Variants in NRG1 observed in about 807,000 individuals in gnomAD.
The protein encoded by NRG1 is neuregulin 1.
A neutral mutation model predicts 63.8 loss-of-function variants in NRG1; 18 were observed. The observed-to-expected ratio is 0.28, with a 90% CI of 0.19 to 0.42. The LOEUF (loss-of-function observed/expected upper bound fraction) is 0.42. Ranked by LOEUF, NRG1 falls within the 10% of genes least tolerant of loss-of-function variation. NRG1 has a pLI of 1.00. For synonymous variants in NRG1, 302 were observed against 301.3 expected, an observed-to-expected ratio of 1.00 and a Z score of -0.02; for missense variants, 762 against 814.7, an observed-to-expected ratio of 0.94 and a Z score of 0.79.
At chr8:32,483,947 A>G (rs1356085117) in intron 1 of NRG1, among the ~76,000 whole-genome samples, 1 of 152,106 alleles carries the variant, frequency 6.6e-6, no homozygotes, top group Non-Finnish European at 1.5e-5. Flanking sequence ...TACTAAAAAT[A>G]CAAAAATTAG....
intron 1 of NRG1, among the ~76,000 whole-genome samples, chr8:32,389,002 C>A (rs926330662): frequency 6.6e-6 from 1 of 152,176 alleles, no homozygotes; most frequent in African/African-American, 2.4e-5. Flanking sequence ...CACATTTTGA[C>A]CTTCTTGAAC....
intron 5 of NRG1, among the ~76,000 whole-genome samples, chr8:32,620,028 C>T (rs965184505): frequency 6.6e-6 from 1 of 152,044 alleles, no homozygotes; most frequent in Admixed American, 6.6e-5. Context: ...TTGCAGGGAA[C>T]GACTGTGAGG....
At chr8:31,935,288 T>A (rs1336032654) in intron 1 of NRG1, among the ~76,000 whole-genome samples, 1 of 151,998 alleles carries the variant, frequency 6.6e-6, no homozygotes, top group Non-Finnish European at 1.5e-5. Context: ...AGCTAATTTT[T>A]AAAAAATTAT....
intron 1 of NRG1, among the ~76,000 whole-genome samples, chr8:32,469,652 C>A (rs1345340107): frequency 6.6e-6 from 1 of 152,070 alleles, no homozygotes; most frequent in African/African-American, 2.4e-5. Flanking sequence ...CAGTAAATAT[C>A]AGTAAAAGGA....
chr8:32,221,246 A>C (rs1327054581), intron 1 of NRG1: 4 of 152,202 alleles, frequency 2.6e-5, no homozygotes, highest in African/African-American at 4.8e-5. Flanking sequence ...ACGGAGATCT[A>C]CAGCAATGCA....
intron 1 of NRG1, among the ~76,000 whole-genome samples, chr8:31,759,037 G>T (rs978285185): frequency 6.6e-6 from 1 of 152,150 alleles, no homozygotes; most frequent in South Asian, 2.1e-4. Context: ...CTGCTTATTG[G>T]CTACTTACAC....
At chr8:32,622,666 A>T (rs1192959656) in intron 5 of NRG1, among the ~76,000 whole-genome samples, 1 of 152,192 alleles carries the variant, frequency 6.6e-6, no homozygotes, top group Non-Finnish European at 1.5e-5. Flanking sequence ...AAGCGTTGGA[A>T]TTGCAGGCAT....
intron 1 of NRG1, among the ~76,000 whole-genome samples, chr8:32,173,143 C>G (rs1456400780): frequency 6.6e-6 from 1 of 152,172 alleles, no homozygotes; most frequent in Non-Finnish European, 1.5e-5. Context: ...CTGATCCTCT[C>G]AGCAGAAACT....
At chr8:32,222,927 G>A (rs1039910623) in intron 1 of NRG1, among the ~76,000 whole-genome samples, 1 of 152,152 alleles carries the variant, frequency 6.6e-6, no homozygotes, top group African/African-American at 2.4e-5. Context: ...AATAAGCAAT[G>A]TTGCCAATCC....
At chr8:32,254,947 C>T (rs1490713374) in intron 1 of NRG1, among the ~76,000 whole-genome samples, 11 of 152,158 alleles carry the variant, frequency 7.2e-5, no homozygotes, top group Non-Finnish European at 1.6e-4. Context: ...TTTACCATTA[C>T]ATAATGCCCT....
chr8:32,667,131 TG>T (rs1281993050), intron 5 of NRG1, among the ~76,000 whole-genome samples: 2 of 152,230 alleles, frequency 1.3e-5, no homozygotes, highest in African/African-American at 4.8e-5. Flanking sequence ...TAGAATCTTT[TG>T]CTCCTAGGCT....
At chr8:32,240,725 A>G (rs908731456) in intron 1 of NRG1, among the ~76,000 whole-genome samples, 2 of 152,172 alleles carry the variant, frequency 1.3e-5, no homozygotes, top group Admixed American at 1.3e-4. Flanking sequence ...ATTGTAAAAA[A>G]AAATGCTTTG....
intron 1 of NRG1, among the ~76,000 whole-genome samples, chr8:32,240,363 G>A (rs62497573): frequency 0.044 from 6,668 of 152,156 alleles, 313 homozygotes; most frequent in African/African-American, 0.12. Context: ...CAAAAATATA[G>A]AAATGGAGAA....
At chr8:32,474,694 T>G in intron 1 of NRG1, among the ~76,000 whole-genome samples, 1 of 151,486 alleles carries the variant, frequency 6.6e-6, no homozygotes, top group South Asian at 2.1e-4. Flanking sequence ...TTAGTAGAGG[T>G]GGGGTTTCAC....
intron 1 of NRG1, among the ~76,000 whole-genome samples, chr8:31,643,266 T>A (rs2130840745): frequency 6.6e-6 from 1 of 152,328 alleles, no homozygotes; most frequent in African/African-American, 2.4e-5. Context: ...GTGTGCAGGC[T>A]TGAGCCATAA....
At position 31,640,759 on chromosome 8, in the gene NRG1, C is replaced by T. The variant is rs1205199212; in HGVS notation, c.37+1328C>T. On this transcript the variant is annotated intron_variant, in intron 1 of 10. Coordinates refer to the NRG1 transcript ENST00000519301. This position sits in a 1 kb window ranked among gnomAD's most constrained non-coding sequence, Gnocchi z 6.3. ...GTTCCTCGCCCTTGGGGGCGCGAAC[C>T]CGCGGCGAGGAGGGCGCATCCCGGG... is the stretch of plus-strand genomic sequence containing the variant. 6.8e-7 allele frequency: 1 copy of T among 1,476,786 alleles called. No individual in the cohort carries two copies. The allele number at this position is 1,476,786 out of a possible 1,614,324, so 91.5% of individuals were successfully genotyped here. A position where few individuals can be genotyped will look rare whatever the true frequency, so the allele number is the denominator to read the frequency against.
intron 1 of NRG1, among the ~76,000 whole-genome samples, chr8:32,314,514 A>C (rs1355526528): frequency 6.6e-6 from 1 of 152,176 alleles, no homozygotes; most frequent in Non-Finnish European, 1.5e-5. Context: ...TGACCTCTAC[A>C]AAGCTGTTCT....
chr8:31,879,459 C>T (rs1348595546), intron 1 of NRG1, among the ~76,000 whole-genome samples: 1 of 152,208 alleles, frequency 6.6e-6, no homozygotes, highest in Non-Finnish European at 1.5e-5. Flanking sequence ...TTTTCTGCCA[C>T]TCAAGATCTT....
intron 1 of NRG1, among the ~76,000 whole-genome samples, chr8:31,953,105 A>G (rs1803744399): frequency 6.6e-6 from 1 of 151,688 alleles, no homozygotes; most frequent in African/African-American, 2.4e-5. Context: ...AAAAGCAAAA[A>G]GGGTTTTTTT....
Sources: allele counts gnomAD v4.1 joint callset (sites outside exome capture counted in the v4.1 genomes callset), GRCh38; gene constraint gnomAD v4.1.1; non-coding constraint Gnocchi (gnomAD v3.1); transcripts MANE v1.5; gene names NCBI Gene and HGNC (gene_info 2026-07-23, HGNC 2026-07-21).